The following SLC4A4 variants were observed in gnomAD, a reference collection of about 807,000 sequenced individuals.
SLC4A4 encodes electrogenic sodium bicarbonate cotransporter 1.
A neutral mutation model predicts 111.5 loss-of-function variants in SLC4A4; 27 were observed. That is an observed-to-expected ratio of 0.24 (90% CI 0.18 to 0.33). SLC4A4 has a LOEUF of 0.33. Ranked by LOEUF, SLC4A4 falls within the 10% of genes least tolerant of loss-of-function variation. SLC4A4 has a pLI of 1.00. For missense variants in SLC4A4, 909 were observed against 1,315.5 expected (o/e 0.69, Z 4.78); for synonymous variants, 443 against 463.4 (o/e 0.96, Z 0.57).
intron 1 of SLC4A4, among the ~76,000 whole-genome samples, chr4:71,228,653 C>T (rs1030360474): frequency 2.2e-4 from 34 of 152,100 alleles, no homozygotes; most frequent in Non-Finnish European, 3.4e-4. Context: ...CTGATTGTAC[C>T]TGACCACCAT....
chr4:71,339,715 T>A (rs1728732396), intron 4 of SLC4A4, among the ~76,000 whole-genome samples: 1 of 152,196 alleles, frequency 6.6e-6, no homozygotes, highest in Non-Finnish European at 1.5e-5. Context: ...ATTGGGGCAT[T>A]GTTTCATTGA....
chr4:71,556,628 TC>T (rs1246498321), intron 21 of SLC4A4, among the ~76,000 whole-genome samples: 2 of 152,108 alleles, frequency 1.3e-5, no homozygotes, highest in Admixed American at 1.3e-4. Flanking sequence ...CTTTTCTCTT[TC>T]TTTCTTTCTC....
chr4:71,450,612 A>C, intron 10 of SLC4A4, 69 bp downstream of exon 10: 1 of 1,464,874 alleles, frequency 6.8e-7, no homozygotes, highest in Non-Finnish European at 9.4e-7. Flanking sequence ...TGTTAAAAAA[A>C]AAAAGTGAAG....
At chr4:71,318,265 C>T (rs1033773101) in intron 3 of SLC4A4, among the ~76,000 whole-genome samples, 1 of 152,016 alleles carries the variant, frequency 6.6e-6, no homozygotes, top group African/African-American at 2.4e-5. Flanking sequence ...AGAGGAGAAA[C>T]TGATTTCTGA....
intron 3 of SLC4A4, among the ~76,000 whole-genome samples, chr4:71,324,500 A>G (rs1727359705): frequency 6.6e-6 from 1 of 152,030 alleles, no homozygotes; most frequent in African/African-American, 2.4e-5. Flanking sequence ...AACTTACTTT[A>G]CTGCTGTACC....
chr4:71,119,446 A>G (rs540668452), intron 2 of SLC4A4, among the ~76,000 whole-genome samples: 2 of 152,000 alleles, frequency 1.3e-5, no homozygotes, highest in African/African-American at 4.8e-5. Context: ...CAGTGGCACA[A>G]TCATGGCTCA....
At chr4:71,279,331 G>C (rs1247682193) in intron 3 of SLC4A4, among the ~76,000 whole-genome samples, 1 of 152,046 alleles carries the variant, frequency 6.6e-6, no homozygotes, top group African/African-American at 2.4e-5. Context: ...ATATAAGTGA[G>C]ATCAAGGAAT....
In SLC4A4 at chr4:71,373,274, G is replaced by A. The variant is rs138553603; in HGVS notation, c.730+16087G>A. The stretch of plus-strand genomic sequence containing the variant: ...TATGGTAAGTGCCACCAGGAGGGTA[G>A]GGGGCAGACTGGTTTGTCTACAGTG... On this transcript the variant is annotated intron_variant, in intron 6 of 25. Coordinates refer to ENST00000264485, the MANE Select transcript of SLC4A4 (RefSeq NM_001098484.3). Among the ~76,000 whole-genome samples, 583 of 152,312 alleles carry A rather than the reference G, an allele frequency of 3.8e-3. 4 individuals carry two copies. Among genetic ancestry groups the A allele is most frequent in the African/African-American group, 0.013 (561 of 41,576 alleles).
intron 6 of SLC4A4, among the ~76,000 whole-genome samples, chr4:71,384,138 C>G (rs1422558387): frequency 6.6e-6 from 1 of 152,088 alleles, no homozygotes; most frequent in Non-Finnish European, 1.5e-5. Flanking sequence ...CAGAGTAACT[C>G]TAGGATCACT....
At chr4:71,085,376 G>GT (rs1329176852) in intron 1 of SLC4A4, among the ~76,000 whole-genome samples, 18 of 151,982 alleles carry the variant, frequency 1.2e-4, no homozygotes, top group Non-Finnish European at 2.5e-4. Context: ...TCTGATGGTA[G>GT]TTTCTTTTGC....
intron 3 of SLC4A4, 101 bp downstream of exon 3, chr4:71,255,500 A>T: frequency 1.7e-6 from 2 of 1,148,982 alleles, no homozygotes; most frequent in South Asian, 2.5e-5. Context: ...GGGACACTGT[A>T]ATACTGAGAT....
chr4:71,178,254 G>A (rs1164084563), intron 2 of SLC4A4, among the ~76,000 whole-genome samples: 2 of 149,726 alleles, frequency 1.3e-5, no homozygotes, highest in Non-Finnish European at 3.0e-5. Context: ...ACACCCTAAT[G>A]TGCACATGTA....
intron 12 of SLC4A4, 95 bp downstream of exon 12, chr4:71,453,764 T>C (rs1179199088): frequency 2.6e-6 from 3 of 1,145,110 alleles, no homozygotes; most frequent in Non-Finnish European, 4.0e-6. Context: ...TTTCAGTTAC[T>C]CAGCGTGATT....
chr4:71,365,543 GA>G (rs1418368574), intron 6 of SLC4A4, among the ~76,000 whole-genome samples: 1 of 152,052 alleles, frequency 6.6e-6, no homozygotes, highest in Non-Finnish European at 1.5e-5. Flanking sequence ...TAAAGGAGGG[GA>G]TAAATTAAGG....
intron 6 of SLC4A4, among the ~76,000 whole-genome samples, chr4:71,366,551 G>A (rs1560445336): frequency 6.6e-6 from 1 of 152,012 alleles, no homozygotes; most frequent in Non-Finnish European, 1.5e-5. Context: ...ATCAGATTGT[G>A]GTAATATAAA....
intron 7 of SLC4A4, among the ~76,000 whole-genome samples, chr4:71,416,306 A>G (rs931136783): frequency 5.9e-5 from 9 of 152,202 alleles, no homozygotes; most frequent in African/African-American, 2.2e-4. Context: ...CCTTACATAT[A>G]CTGTGATTTT....
At chr4:71,126,303 T>A (rs574582640) in intron 2 of SLC4A4, among the ~76,000 whole-genome samples, 1 of 152,308 alleles carries the variant, frequency 6.6e-6, no homozygotes, top group African/African-American at 2.4e-5. Flanking sequence ...TGCTGTTATT[T>A]TGTAGTGAGC....
chr4:71,515,065 G>T (rs1489340593), intron 16 of SLC4A4, among the ~76,000 whole-genome samples: 1 of 151,804 alleles, frequency 6.6e-6, no homozygotes, highest in Non-Finnish European at 1.5e-5. Flanking sequence ...TTTCCTTGAT[G>T]TGCATTTTTA....
intron 2 of SLC4A4, among the ~76,000 whole-genome samples, chr4:71,158,683 A>G (rs893843051): frequency 6.6e-6 from 1 of 152,136 alleles, no homozygotes; most frequent in African/African-American, 2.4e-5. Flanking sequence ...TCTTCTATCA[A>G]TATAGATTTT....
Sources: gnomAD v4.1 joint callset for allele counts (sites outside exome capture counted in the v4.1 genomes callset) on GRCh38, gnomAD v4.1.1 for gene constraint, MANE v1.5 for transcripts, NCBI Gene and HGNC (gene_info 2026-07-23, HGNC 2026-07-21) for gene names.